The following ARHGAP8 variants were observed in gnomAD, a reference collection of about 807,000 sequenced individuals.
The protein encoded by ARHGAP8 is rho GTPase-activating protein 8.
Under a neutral mutation model 46.1 loss-of-function variants are expected in ARHGAP8, and 62 were observed. The observed-to-expected ratio is 1.34, with a 90% CI of 1.10 to 1.66. The LOEUF (loss-of-function observed/expected upper bound fraction) is 1.66, where lower values mean the gene tolerates loss of function less well. ARHGAP8 is among the 40% of genes most tolerant of loss of function. The pLI is 0.00. For missense variants in ARHGAP8, 923 were observed against 568.4 expected (o/e 1.62, Z -6.34); for synonymous variants, 375 against 243.1 (o/e 1.54, Z -5.05).
chr22:44,759,729 G>T (rs1270582791), intron 1 of ARHGAP8, among the ~76,000 whole-genome samples: 2 of 152,208 alleles, frequency 1.3e-5, no homozygotes, highest in Non-Finnish European at 2.9e-5. Context: ...CAGGGAGATT[G>T]TCAGGGAGAT....
rs1466226633 is a variant in ARHGAP8, at chr22:44,859,972, C to T, written c.981+138C>T. On this transcript the variant is annotated intron_variant, in intron 11 of 11. Transcript: ENST00000356099. ...GGCCTCGGAATACCACTCCCTGCCC[C>T]CCAAGGACCTCATCCAAGGCCTGGT... is the stretch of plus-strand genomic sequence containing the variant. 33 of 1,047,616 alleles carry T rather than the reference C, an allele frequency of 3.2e-5. No homozygotes were observed. The African/African-American group carries it at 4.3e-4, about 14-fold the overall frequency. The allele number at this position is 1,047,616 out of a possible 1,614,324, so 64.9% of individuals were successfully genotyped here. A position where few individuals can be genotyped will look rare whatever the true frequency, so the allele number is the denominator to read the frequency against.
chr22:44,804,414 TCA>T (rs1348932053), intron 3 of ARHGAP8, among the ~76,000 whole-genome samples: 60 of 152,292 alleles, frequency 3.9e-4, no homozygotes, highest in African/African-American at 1.4e-3. Flanking sequence ...GGGGAGAAGC[TCA>T]GTCTTAGTGA....
chr22:44,753,324 C>A (rs971366892), intron 1 of ARHGAP8, among the ~76,000 whole-genome samples: 2 of 151,694 alleles, frequency 1.3e-5, no homozygotes, highest in East Asian at 1.9e-4. Context: ...TGGGTTCAAG[C>A]GATTCTTGTG....
In ARHGAP8 at chr22:44,808,344, G is replaced by GA; in HGVS notation, c.206dup (p.Asp69GlufsTer31). The GA allele has an allele frequency of 6.2e-7, 1 of 1,614,240 alleles. No individual in the cohort carries two copies. The highest frequency in any genetic ancestry group is 8.5e-7 in the Non-Finnish European group (1 of 1,180,040). On this transcript the variant is annotated frameshift_variant, in exon 4 of 12. Coordinates refer to ENST00000356099, the MANE Select transcript of ARHGAP8 (RefSeq NM_181335.3). LOFTEE classifies it high-confidence loss of function. The stretch of plus-strand genomic sequence containing the variant: ...CACACTGGACCAATACGTTGAGAAC[G>GA]ATTATACCATCGTCTATTTCCACTA...
intron 10 of ARHGAP8, among the ~76,000 whole-genome samples, chr22:44,851,315 T>G (rs183128433): frequency 5.1e-4 from 78 of 152,360 alleles, no homozygotes; most frequent in Non-Finnish European, 8.7e-4. Context: ...CTTGTTATTC[T>G]GACAAAAGAC....
intron 1 of ARHGAP8, among the ~76,000 whole-genome samples, chr22:44,763,125 T>A (rs1178245004): frequency 6.6e-6 from 1 of 151,656 alleles, no homozygotes; most frequent in Non-Finnish European, 1.5e-5. Flanking sequence ...GTTGGGAAGG[T>A]GGGGAGAAAA....
intron 1 of ARHGAP8, among the ~76,000 whole-genome samples, chr22:44,753,864 G>T (rs960870808): frequency 6.6e-6 from 1 of 152,176 alleles, no homozygotes; most frequent in African/African-American, 2.4e-5. Flanking sequence ...TGCAGTGTTG[G>T]CATTTGTCCA....
chr22:44,854,024 CAAAAAAAAAAAAAAAAAAA>C (rs71315119), intron 10 of ARHGAP8, among the ~76,000 whole-genome samples: 23 of 43,304 alleles, frequency 5.3e-4, no homozygotes, highest in South Asian at 2.6e-3. Flanking sequence ...GACTCTGTCT[CAAAAAAAAAAAAAAAAAAA>C]AAAAAAAAAA....
chr22:44,857,852 C>T (rs2070276450), intron 10 of ARHGAP8, among the ~76,000 whole-genome samples: 1 of 152,188 alleles, frequency 6.6e-6, no homozygotes, highest in African/African-American at 2.4e-5. Context: ...TGACCTCTTG[C>T]TCCCTCATAG....
intron 3 of ARHGAP8, among the ~76,000 whole-genome samples, chr22:44,806,297 C>T (rs1928915658): frequency 6.6e-6 from 1 of 152,162 alleles, no homozygotes; most frequent in Admixed American, 6.5e-5. Flanking sequence ...GTGTTCGAGA[C>T]AGCACTCTGG....
intron 1 of ARHGAP8, among the ~76,000 whole-genome samples, chr22:44,766,400 G>A (rs565573766): frequency 1.3e-4 from 19 of 150,822 alleles, no homozygotes; most frequent in African/African-American, 4.3e-4. Context: ...GTGTGTGTGG[G>A]CACGTGTGTG....
At position 44,862,205 on chromosome 22, in the gene ARHGAP8, C is replaced by T. The variant is rs55835222; in HGVS notation, c.982-70C>T. On this transcript the variant is annotated intron_variant, in intron 11 of 11. Transcript: ENST00000356099. ...CTACACCTACGCCTCTCCCTAAGTT[C>T]GGGAGGGAGTTCCAGGTGCCCGTGC... 2,235 of 1,519,356 alleles carry T rather than the reference C, an allele frequency of 1.5e-3. 20 individuals are homozygous for T. In the African/African-American group the frequency reaches 0.02, roughly 14 times the overall value. The allele number at this position is 1,519,356 out of a possible 1,614,324, so 94.1% of individuals were successfully genotyped here.
chr22:44,754,873 T>A (rs1405561299), intron 1 of ARHGAP8, among the ~76,000 whole-genome samples: 1 of 152,026 alleles, frequency 6.6e-6, no homozygotes, highest in East Asian at 1.9e-4. Flanking sequence ...TCCCATTCCC[T>A]GATTTTACCC....
At chr22:44,831,549 A>G (rs1039957742) in intron 7 of ARHGAP8, among the ~76,000 whole-genome samples, 1 of 152,170 alleles carries the variant, frequency 6.6e-6, no homozygotes, top group Non-Finnish European at 1.5e-5. Flanking sequence ...ATACAAAAAA[A>G]TGTGCTGGGC....
chr22:44,822,698 A>G (rs754090036), intron 6 of ARHGAP8, among the ~76,000 whole-genome samples: 1 of 152,220 alleles, frequency 6.6e-6, no homozygotes, highest in Non-Finnish European at 1.5e-5. Flanking sequence ...TTCCTCGCCC[A>G]CCATTGCAAA....
At chr22:44,784,549 CAG>C (rs759961567) in intron 1 of ARHGAP8, among the ~76,000 whole-genome samples, 5 of 152,174 alleles carry the variant, frequency 3.3e-5, no homozygotes, top group Non-Finnish European at 7.3e-5. Flanking sequence ...CATTTTCTAT[CAG>C]GGATTTGAGC....
At chr22:44,808,513 G>T in intron 4 of ARHGAP8, 75 bp downstream of exon 4, 1 of 1,572,404 alleles carries the variant, frequency 6.4e-7, no homozygotes, top group Non-Finnish European at 8.6e-7. Context: ...GCCACAAGGG[G>T]TCGCAGAGTG....
Position 44,814,772 on chromosome 22 carries a change from T to C in ARHGAP8, c.386+14T>C. 1 of 1,613,500 alleles carries C rather than the reference T, an allele frequency of 6.2e-7. No individual in the cohort carries two copies. The highest frequency in any genetic ancestry group is 8.5e-7 in the Non-Finnish European group (1 of 1,179,738). ...GCCCCTCATCAGGTATGCGTCACTC[T>C]GGGAGAGGACCTCGCTGGGGTTGGA... On this transcript the variant is annotated intron_variant, in intron 5 of 11. Coordinates refer to ENST00000356099, the MANE Select transcript of ARHGAP8 (RefSeq NM_181335.3).
intron 7 of ARHGAP8, among the ~76,000 whole-genome samples, chr22:44,837,831 C>G (rs569175528): frequency 2.0e-5 from 3 of 152,112 alleles, no homozygotes; most frequent in African/African-American, 7.2e-5. Flanking sequence ...CTCAAATGCA[C>G]GGGCAGTGGA....
Sources: gnomAD v4.1 joint callset for allele counts (sites outside exome capture counted in the v4.1 genomes callset) on GRCh38, gnomAD v4.1.1 for gene constraint, MANE v1.5 for transcripts, NCBI Gene and HGNC (gene_info 2026-07-23, HGNC 2026-07-21) for gene names.